Variants in CTNNBL1 observed in about 807,000 individuals in gnomAD.
CTNNBL1 encodes catenin beta like 1.
CTNNBL1 carries 31 observed loss-of-function variants against 72.7 expected under a neutral mutation model. The ratio of observed to expected loss-of-function variants is 0.43; its 90% CI spans 0.32 to 0.58. The LOEUF (loss-of-function observed/expected upper bound fraction) is 0.58, where lower values mean the gene tolerates loss of function less well. Ranked by LOEUF, CTNNBL1 falls within the 20% of genes least tolerant of loss-of-function variation. The probability of loss-of-function intolerance (pLI) is 0.08; values close to 1 mark genes in which losing one functional copy is unlikely to be tolerated. For synonymous variants in CTNNBL1, 240 were observed against 267.3 expected (o/e 0.90, Z 1.00); for missense variants, 534 against 725.1 (o/e 0.74, Z 3.03).
intron 1 of CTNNBL1, among the ~76,000 whole-genome samples, chr20:37,723,392 T>A (rs184283696): frequency 8.7e-4 from 132 of 152,336 alleles, no homozygotes; most frequent in Admixed American, 1.4e-3. Flanking sequence ...AAGACCATAT[T>A]CTCCAGTAAT....
At chr20:37,767,330 C>T (rs1476949634) in intron 6 of CTNNBL1, among the ~76,000 whole-genome samples, 1 of 151,740 alleles carries the variant, frequency 6.6e-6, no homozygotes, top group Non-Finnish European at 1.5e-5. Flanking sequence ...TTTAATTTTT[C>T]TATTAAGCAA....
intron 10 of CTNNBL1, among the ~76,000 whole-genome samples, chr20:37,782,929 A>G (rs1194199597): frequency 6.6e-6 from 1 of 152,184 alleles, no homozygotes; most frequent in Non-Finnish European, 1.5e-5. Flanking sequence ...TATTTAAATT[A>G]TATTTAAAAT....
chr20:37,847,413 G>T (rs1193084182), intron 13 of CTNNBL1, among the ~76,000 whole-genome samples: 1 of 152,094 alleles, frequency 6.6e-6, no homozygotes, highest in Non-Finnish European at 1.5e-5. Flanking sequence ...AGCAAGATTT[G>T]ACCTGAACTT....
intron 12 of CTNNBL1, among the ~76,000 whole-genome samples, chr20:37,840,816 G>A (rs1376331058): frequency 6.6e-6 from 1 of 152,052 alleles, no homozygotes; most frequent in African/African-American, 2.4e-5. Flanking sequence ...GATGGATCGG[G>A]CTATGGAAGC....
chr20:37,834,371 GTC>G (rs1391180196), intron 11 of CTNNBL1, among the ~76,000 whole-genome samples: 1 of 152,158 alleles, frequency 6.6e-6, no homozygotes, highest in Non-Finnish European at 1.5e-5. Context: ...GAAACTCAAA[GTC>G]TCTTCTTTAT....
At chr20:37,865,276 A>G (rs1720057264) in intron 15 of CTNNBL1, among the ~76,000 whole-genome samples, 2 of 152,232 alleles carry the variant, frequency 1.3e-5, no homozygotes, top group Admixed American at 6.5e-5. Flanking sequence ...GAATGGAGCC[A>G]GTGCTGGGAT....
At chr20:37,851,861 A>T (rs73094621) in intron 13 of CTNNBL1, among the ~76,000 whole-genome samples, 1 of 152,376 alleles carries the variant, frequency 6.6e-6, no homozygotes, top group Non-Finnish European at 1.5e-5. Context: ...TGCCAGTGTG[A>T]AAGAACTAAT....
At chr20:37,852,677 C>T (rs1457095250) in intron 13 of CTNNBL1, among the ~76,000 whole-genome samples, 1 of 152,218 alleles carries the variant, frequency 6.6e-6, no homozygotes, top group African/African-American at 2.4e-5. Context: ...CTGCCACCCT[C>T]CCCTCCTGCA....
intron 7 of CTNNBL1, among the ~76,000 whole-genome samples, chr20:37,774,526 T>C (rs768752673): frequency 2.0e-5 from 3 of 152,244 alleles, no homozygotes; most frequent in African/African-American, 7.2e-5. Context: ...TCAGAACTTA[T>C]ATTTTAATTT....
At chr20:37,762,625 C>T (rs766999229) in intron 5 of CTNNBL1, among the ~76,000 whole-genome samples, 1 of 152,134 alleles carries the variant, frequency 6.6e-6, no homozygotes, top group Non-Finnish European at 1.5e-5. Context: ...TAGTTTCAGA[C>T]TTTGTCACAG....
intron 15 of CTNNBL1, among the ~76,000 whole-genome samples, chr20:37,869,513 CAGGCTTAGCTGGGAGGA>C (rs1284409623): frequency 6.6e-6 from 1 of 152,262 alleles, no homozygotes; most frequent in Non-Finnish European, 1.5e-5. Context: ...GGCCCTCGGC[CAGGCTTAGCTGGGAGGA>C]AGGCGAAAGC....
intron 10 of CTNNBL1, among the ~76,000 whole-genome samples, chr20:37,799,992 A>C (rs2073810548): frequency 6.6e-6 from 1 of 152,132 alleles, no homozygotes; most frequent in Non-Finnish European, 1.5e-5. Flanking sequence ...CCTTTCCTCC[A>C]CTATTGGGAC....
rs180912586 is a variant in CTNNBL1 at position 37,861,067 on chromosome 20, T to C, written c.1603+723T>C. The stretch of plus-strand genomic sequence containing the variant: ...GGAATTCTGTAGTGAATTGAAGCAA[T>C]GTGGAGTGGTGGAGAGTATGCCTGC... On this transcript the variant is annotated intron_variant, in intron 15 of 15. Coordinates refer to ENST00000361383, the MANE Select transcript of CTNNBL1 (RefSeq NM_030877.5). Among the ~76,000 whole-genome samples the C allele has an allele frequency of 1.8e-4, 27 of 152,290 alleles. No homozygotes were observed. The East Asian group carries it at 2.7e-3, about 15-fold the overall frequency.
At chr20:37,765,351 C>G in intron 6 of CTNNBL1, 61 bp downstream of exon 6, 1 of 1,069,394 alleles carries the variant, frequency 9.4e-7, no homozygotes, top group Non-Finnish European at 1.4e-6. Context: ...GGACTCTGTG[C>G]TCATTTCCCT....
intron 11 of CTNNBL1, among the ~76,000 whole-genome samples, chr20:37,838,772 A>C (rs565582689): frequency 1.3e-5 from 2 of 152,336 alleles, no homozygotes; most frequent in East Asian, 3.9e-4. Flanking sequence ...CTGTAATCCC[A>C]GCTACTCAGG....
At chr20:37,778,050 C>T (rs1358668373) in intron 9 of CTNNBL1, among the ~76,000 whole-genome samples, 8 of 152,070 alleles carry the variant, frequency 5.3e-5, no homozygotes, top group Admixed American at 3.9e-4. Flanking sequence ...GATTATTCAC[C>T]AACCTTCCTT....
At chr20:37,747,878 A>C (rs2122627190) in intron 4 of CTNNBL1, among the ~76,000 whole-genome samples, 1 of 152,316 alleles carries the variant, frequency 6.6e-6, no homozygotes, top group South Asian at 2.1e-4. Context: ...AGGAGTGTAT[A>C]AGTGCTGAGC....
intron 1 of CTNNBL1, among the ~76,000 whole-genome samples, chr20:37,724,150 G>A (rs1256244686): frequency 6.6e-6 from 1 of 152,166 alleles, no homozygotes; most frequent in Non-Finnish European, 1.5e-5. Flanking sequence ...ATCCACAAGC[G>A]GGTTTGCGAC....
At chr20:37,787,196 G>T (rs1310587018) in intron 10 of CTNNBL1, among the ~76,000 whole-genome samples, 1 of 151,188 alleles carries the variant, frequency 6.6e-6, no homozygotes, top group Non-Finnish European at 1.5e-5. Flanking sequence ...TTCACAGGAG[G>T]CAATCACAGT....
Sources: gnomAD v4.1 joint callset for allele counts (sites outside exome capture counted in the v4.1 genomes callset) on GRCh38, gnomAD v4.1.1 for gene constraint, MANE v1.5 for transcripts, NCBI Gene and HGNC (gene_info 2026-07-23, HGNC 2026-07-21) for gene names.